The following ARPC2 variants were observed in gnomAD, a reference collection of about 807,000 sequenced individuals.
ARPC2 encodes the protein actin-related protein 2/3 complex subunit 2.
A neutral mutation model predicts 38.6 loss-of-function variants in ARPC2; 4 were observed. That is an observed-to-expected ratio of 0.10 (90% CI 0.05 to 0.24). The LOEUF (loss-of-function observed/expected upper bound fraction) is 0.24. Ranked by LOEUF, ARPC2 falls within the 10% of genes least tolerant of loss-of-function variation. The pLI is 1.00. For synonymous variants in ARPC2, 125 were observed against 140.8 expected, an observed-to-expected ratio of 0.89 and a Z score of 0.79; for missense variants, 229 against 387.3, an observed-to-expected ratio of 0.59 and a Z score of 3.43.
intron 4 of ARPC2, among the ~76,000 whole-genome samples, chr2:218,230,779 G>A (rs953963609): frequency 1.3e-5 from 2 of 152,082 alleles, no homozygotes; most frequent in African/African-American, 4.8e-5. Context: ...TGGCTTGAGG[G>A]GTTCAAGTGG....
chr2:218,251,199 T>C (rs1301409306), intron 10 of ARPC2, among the ~76,000 whole-genome samples: 1 of 136,356 alleles, frequency 7.3e-6, no homozygotes, highest in Non-Finnish European at 1.5e-5. Context: ...TTGTTTTGTT[T>C]TGTTGTTTTG....
chr2:218,253,391 C>A (rs1690241182), intron 10 of ARPC2, among the ~76,000 whole-genome samples: 1 of 152,192 alleles, frequency 6.6e-6, no homozygotes, highest in African/African-American at 2.4e-5. Flanking sequence ...GGAGGAGTCA[C>A]CACGTGATAG....
In ARPC2 at chr2:218,221,024, G is replaced by A. The variant is rs970729984; in HGVS notation, c.74+3480G>A. On this transcript the variant is annotated intron_variant, in intron 2 of 10. Transcript: ENST00000315717. Reference sequence around the variant, plus strand: ...GGAAATTCTTACCCAGACCCTCAAAGCAAAAGTAATCAGACAAATTAATTT... The same window carrying A: ...GGAAATTCTTACCCAGACCCTCAAAACAAAAGTAATCAGACAAATTAATTT... Among the ~76,000 whole-genome samples, 8 of 152,150 alleles carry A rather than the reference G, an allele frequency of 5.3e-5. No homozygotes were observed. The East Asian group carries it at 1.5e-3, about 29-fold the overall frequency.
At position 218,249,482 on chromosome 2, in the gene ARPC2, A is replaced by G. The variant is rs1249206766; in HGVS notation, c.777+18A>G. On this transcript the variant is annotated intron_variant, in intron 9 of 10. Coordinates refer to ENST00000315717, the MANE Select transcript of ARPC2 (RefSeq NM_152862.3). ...GCTCTAAGGTGAGGGGGGTGCCAGC[A>G]TCTCAGCCTCTATGCTCTGGGTCTT... The G allele has an allele frequency of 6.4e-7, 1 of 1,550,606 alleles. No individual in the cohort carries two copies. Among genetic ancestry groups the G allele is most frequent in the African/African-American group, 1.4e-5 (1 of 72,902 alleles).
intron 2 of ARPC2, among the ~76,000 whole-genome samples, chr2:218,221,447 A>C (rs1409612893): frequency 6.6e-6 from 1 of 152,230 alleles, no homozygotes; most frequent in Non-Finnish European, 1.5e-5. Flanking sequence ...GTTGTGTCCA[A>C]CTCAGTAAGA....
At chr2:218,219,948 T>C (rs1348592734) in intron 2 of ARPC2, among the ~76,000 whole-genome samples, 1 of 152,174 alleles carries the variant, frequency 6.6e-6, no homozygotes, top group Non-Finnish European at 1.5e-5. Flanking sequence ...TTATCAGACA[T>C]TCCAGTAAGG....
At chr2:218,224,085 A>G (rs924328663) in intron 2 of ARPC2, among the ~76,000 whole-genome samples, 1 of 152,230 alleles carries the variant, frequency 6.6e-6, no homozygotes, top group Non-Finnish European at 1.5e-5. Flanking sequence ...AATATTAATG[A>G]ATGTGATTTG....
intron 6 of ARPC2, 65 bp from the exon 7 acceptor site, chr2:218,239,326 A>G (rs2106154139): frequency 1.7e-6 from 2 of 1,154,396 alleles, no homozygotes; most frequent in Non-Finnish European, 2.6e-6. Flanking sequence ...GTACTTGTAG[A>G]TCAAGTTATT....
chr2:218,218,060 A>G (rs1689297105), intron 2 of ARPC2, among the ~76,000 whole-genome samples: 1 of 152,184 alleles, frequency 6.6e-6, no homozygotes, highest in Non-Finnish European at 1.5e-5. Flanking sequence ...AGAGAAGACT[A>G]AAAGCCGACC....
chr2:218,249,752 G>T, intron 9 of ARPC2, 69 bp from the exon 10 acceptor site: 1 of 1,458,104 alleles, frequency 6.9e-7, no homozygotes. Flanking sequence ...TGACCTCTCT[G>T]ATGAAAGACA....
At chr2:218,228,652 C>A (rs565520105) in intron 3 of ARPC2, 86 bp from the exon 4 acceptor site, 3 of 743,564 alleles carry the variant, frequency 4.0e-6, no homozygotes, top group South Asian at 3.3e-5. Context: ...AAGTGGTCTT[C>A]CTTGTGGCCT....
intron 3 of ARPC2, chr2:218,226,917 T>G (rs918059684): frequency 1.4e-5 from 6 of 442,840 alleles, no homozygotes; most frequent in Non-Finnish European, 2.8e-5. Context: ...GCTAGAGATG[T>G]GTTCATCAAG....
chr2:218,236,453 A>G (rs968591382), intron 5 of ARPC2: 2 of 152,126 alleles, frequency 1.3e-5, no homozygotes, highest in African/African-American at 2.4e-5. Context: ...CATTATCTAG[A>G]GCAAAGATTT....
At position 218,250,815 on chromosome 2, in the gene ARPC2, TTAAGA is replaced by T. The variant is rs538974583; in HGVS notation, c.878+899_878+903del. 3.1e-4 allele frequency among the ~76,000 whole-genome samples: 47 copies of T among 152,254 alleles called. No individual in the cohort carries two copies. The South Asian group carries it at 4.6e-3, about 15-fold the overall frequency. ...TGATGAAATTCAGGCAGTCCTGTCC[TTAAGA>T]TAAGGTAATAGTGTTCATTTGCTGG... On this transcript the variant is annotated intron_variant, in intron 10 of 10. Coordinates refer to ENST00000315717, the MANE Select transcript of ARPC2 (RefSeq NM_152862.3).
intron 4 of ARPC2, among the ~76,000 whole-genome samples, chr2:218,229,778 C>T (rs964258622): frequency 6.6e-6 from 1 of 152,126 alleles, no homozygotes; most frequent in South Asian, 2.1e-4. Context: ...TTGATTTTCT[C>T]ATAAGTTCAA....
chr2:218,227,418 A>C (rs551395439), intron 3 of ARPC2, among the ~76,000 whole-genome samples: 1 of 152,210 alleles, frequency 6.6e-6, no homozygotes, highest in East Asian at 1.9e-4. Context: ...TAAATACTTG[A>C]CTGAATATTT....
intron 10 of ARPC2, among the ~76,000 whole-genome samples, chr2:218,251,130 C>T (rs748815815): frequency 2.0e-5 from 3 of 152,134 alleles, no homozygotes; most frequent in Non-Finnish European, 4.4e-5. Flanking sequence ...AACTAAAAGT[C>T]TTGAGGTCAT....
At chr2:218,228,599 A>G (rs1202800855) in intron 3 of ARPC2, 139 bp from the exon 4 acceptor site, 3 of 532,736 alleles carry the variant, frequency 5.6e-6, no homozygotes, top group Middle Eastern at 2.8e-4. Context: ...GATTTGTCAC[A>G]TGGATTTAAA....
intron 2 of ARPC2, among the ~76,000 whole-genome samples, chr2:218,224,385 CT>C: frequency 6.6e-6 from 1 of 152,310 alleles, no homozygotes; most frequent in East Asian, 1.9e-4. Flanking sequence ...CTCCCTGACT[CT>C]TCAGCACAGT....
Sources: gnomAD v4.1 joint callset for allele counts (sites outside exome capture counted in the v4.1 genomes callset) on GRCh38, gnomAD v4.1.1 for gene constraint, MANE v1.5 for transcripts, NCBI Gene and HGNC (gene_info 2026-07-23, HGNC 2026-07-21) for gene names.